Variants in BTF3 observed in about 807,000 individuals in gnomAD.
BTF3 encodes basic transcription factor 3, also known as transcription factor BTF3.
In BTF3, 12 loss-of-function variants were observed where a neutral mutation model predicts 23.9. The ratio of observed to expected loss-of-function variants is 0.50; its 90% CI spans 0.32 to 0.81. The LOEUF is 0.81. Among genes scored for constraint, BTF3 ranks in the 40% least tolerant of loss-of-function variants. The pLI, the probability that BTF3 is intolerant of heterozygous loss-of-function variation, is 0.03. For missense variants in BTF3, 215 were observed against 255.9 expected, an observed-to-expected ratio of 0.84 and a Z score of 1.09; for synonymous variants, 96 against 94.8, an observed-to-expected ratio of 1.01 and a Z score of -0.07.
rs1338166684 is a variant in BTF3, at chr5:73,502,160, A to G, written c.202-328A>G. 5.9e-5 allele frequency among the ~76,000 whole-genome samples: 6 copies of G among 101,330 alleles called. No individual in the cohort carries two copies. In the South Asian group the frequency reaches 1.4e-3, roughly 24 times the overall value. 66.5% of individuals were successfully genotyped at this position (101,330 alleles called of 152,430 possible). A position where few individuals can be genotyped will look rare whatever the true frequency, so the allele number is the denominator to read the frequency against. The stretch of plus-strand genomic sequence containing the variant: ...GACGACACAGTGAGACCCTGTCTCA[A>G]AAAAAAAAAAAAAAAAAAACAGAAG... On this transcript the variant is annotated intron_variant, in intron 2 of 5. Coordinates refer to ENST00000380591, the MANE Select transcript of BTF3 (RefSeq NM_001037637.2).
chr5:73,505,205 T>C lies in BTF3; in HGVS notation c.588T>C (p.Asn196=). The C allele has an allele frequency of 6.2e-7, 1 of 1,610,176 alleles. No individual in the cohort carries two copies. Among genetic ancestry groups the C allele is most frequent in the Admixed American group, 1.7e-5 (1 of 59,862 alleles). The change falls in exon 6 of 6, where the codon AAT becomes AAC. Residue 196 remains asparagine (N), a synonymous_variant. Coordinates refer to ENST00000380591, the MANE Select transcript of BTF3 (RefSeq NM_001037637.2). ...TCCTTTTCCTAGATCTTGTGGAGAA[T>C]TTTGATGAGGCTTCCAAGAATGAGG... The part of the protein sequence containing the change: ...DDDEVPDLVE[N]FDEASKNEAN
chr5:73,504,470 A>G (rs12656416), intron 5 of BTF3, 67 bp downstream of exon 5: 149,545 of 1,349,004 alleles, frequency 0.11, 18,650 homozygotes, highest in East Asian at 0.54. Context: ...TCTTTGTAGG[A>G]AAAACTACCC....
intron 1 of BTF3, 114 bp downstream of exon 1, chr5:73,498,913 C>T (rs916611357): frequency 7.1e-6 from 10 of 1,409,906 alleles, no homozygotes; most frequent in Admixed American, 5.7e-5. Flanking sequence ...GCCTTTCATC[C>T]GGGCCTGCCA....
intron 4 of BTF3, among the ~76,000 whole-genome samples, chr5:73,504,124 G>A (rs915935763): frequency 5.3e-5 from 8 of 152,196 alleles, no homozygotes; most frequent in African/African-American, 1.9e-4. Flanking sequence ...GATGGGTATG[G>A]AATTTTGTTT....
At chr5:73,503,817 C>G (rs778306829) in intron 4 of BTF3, among the ~76,000 whole-genome samples, 1 of 152,192 alleles carries the variant, frequency 6.6e-6, no homozygotes, top group Non-Finnish European at 1.5e-5. Flanking sequence ...CCACTGATGC[C>G]TGTATGGGCC....
At chr5:73,498,868 C>CG in intron 1 of BTF3, 69 bp downstream of exon 1, 1 of 1,487,964 alleles carries the variant, frequency 6.7e-7, no homozygotes, top group Non-Finnish European at 8.8e-7. Context: ...AGGCCAGGGC[C>CG]AGGGGTGGGG....
chr5:73,502,333 G>A (rs1405232248), intron 2 of BTF3, among the ~76,000 whole-genome samples, 155 bp from the exon 3 acceptor site: 3 of 151,838 alleles, frequency 2.0e-5, no homozygotes, highest in Non-Finnish European at 2.9e-5. Context: ...TTCTATCTTC[G>A]CCTTAGCCTG....
In BTF3 at chr5:73,498,608, C is replaced by A; in HGVS notation, c.-60C>A. 1 of 1,408,002 alleles carries A rather than the reference C, an allele frequency of 7.1e-7. No individual in the cohort carries two copies. Among genetic ancestry groups the A allele is most frequent in the Non-Finnish European group, 9.2e-7 (1 of 1,088,162 alleles). The allele number at this position is 1,408,002 out of a possible 1,614,324, so 87.2% of individuals were successfully genotyped here. On this transcript the variant is annotated 5_prime_UTR_variant, in exon 1 of 6. Coordinates refer to ENST00000380591, the MANE Select transcript of BTF3 (RefSeq NM_001037637.2). The stretch of plus-strand genomic sequence containing the variant: ...CGTGGTAGGAGGACGGGAGCGGGGG[C>A]GGGAAGTTCCCTGAAGGAGCGAGAC...
Position 73,499,160 on chromosome 5 carries a change from A to G in BTF3, c.159A>G (p.Glu53=), listed in dbSNP as rs1296676221. ...PQMKETIMNQ[E]KLAKLQAQVR... is the part of the protein sequence containing the mutation. ...TGAAAGAAACAATCATGAACCAGGA[A>G]AAACTCGCCAAACTGCAGGCACAAG... is the stretch of plus-strand genomic sequence containing the variant. The change falls in exon 2 of 6, where the codon GAA becomes GAG. Residue 53 remains glutamate (E), a synonymous_variant. Transcript: ENST00000380591. 2.5e-6 allele frequency: 4 copies of G among 1,612,868 alleles called. No individual in the cohort carries two copies. The highest frequency in any genetic ancestry group is 2.2e-5 in the East Asian group (1 of 44,878).
intron 4 of BTF3, among the ~76,000 whole-genome samples, chr5:73,503,673 A>G (rs976358242): frequency 5.9e-5 from 9 of 152,224 alleles, no homozygotes; most frequent in Non-Finnish European, 1.3e-4. Context: ...AGAGGCTTAT[A>G]TATGGCTCTT....
intron 1 of BTF3, 130 bp from the exon 2 acceptor site, chr5:73,499,004 G>A: frequency 8.0e-7 from 1 of 1,249,060 alleles, no homozygotes; most frequent in South Asian, 1.6e-5. Context: ...AGCTTTGCGG[G>A]GTGGATTTGG....
chr5:73,501,705 T>A (rs1318430368), intron 2 of BTF3, among the ~76,000 whole-genome samples: 1 of 151,828 alleles, frequency 6.6e-6, no homozygotes, highest in Admixed American at 6.6e-5. Flanking sequence ...CAGTCAGGAG[T>A]GGCATATTAA....
At chr5:73,502,702 C>T in intron 3 of BTF3, 101 bp downstream of exon 3, 1 of 874,094 alleles carries the variant, frequency 1.1e-6, no homozygotes, top group Non-Finnish European at 1.7e-6. Context: ...AACTTAGGGA[C>T]TTCAAAGTCC....
At chr5:73,499,475 T>A in intron 2 of BTF3, 1 of 500,904 alleles carries the variant, frequency 2.0e-6, no homozygotes, top group Non-Finnish European at 3.6e-6. Context: ...ATTTAATTAG[T>A]AAGGAAAATG....
Position 73,503,008 on chromosome 5 carries a change from C to A in BTF3, c.408C>A (p.Gly136=), listed in dbSNP as rs201362870. ...SLAANTFTIT[G]HAETKQLTEM... The stretch of plus-strand genomic sequence containing the variant: ...CAGCGAACACTTTCACCATTACAGG[C>A]CATGCTGAGACAAAGCAGCTGACAG... Residue 136 remains glycine, a synonymous_variant, in exon 4 of 6, where the codon GGC becomes GGA. Coordinates refer to ENST00000380591, the MANE Select transcript of BTF3 (RefSeq NM_001037637.2). 1.4e-4 allele frequency: 226 copies of A among 1,613,768 alleles called. No individual in the cohort carries two copies. Among genetic ancestry groups the A allele is most frequent in the Non-Finnish European group, 1.8e-4 (215 of 1,179,902 alleles).
In BTF3 at chr5:73,498,543, T is replaced by C; in HGVS notation, c.-125T>C. ...AACCCTAGTCCCCCGCGCGGCCCCTTATTCGCTCCGACAAGGTACAAAAAG... is the reference window on the plus strand; with the variant it reads ...AACCCTAGTCCCCCGCGCGGCCCCTCATTCGCTCCGACAAGGTACAAAAAG... On this transcript the variant is annotated 5_prime_UTR_variant, in exon 1 of 6. Coordinates refer to ENST00000380591, the MANE Select transcript of BTF3 (RefSeq NM_001037637.2). 2 of 1,360,776 alleles carry C rather than the reference T, an allele frequency of 1.5e-6. No individual in the cohort carries two copies. The highest frequency in any genetic ancestry group is 1.9e-6 in the Non-Finnish European group (2 of 1,057,234). 84.3% of individuals were successfully genotyped at this position (1,360,776 alleles called of 1,614,324 possible).
intron 2 of BTF3, among the ~76,000 whole-genome samples, chr5:73,500,295 A>AT (rs1249965534): frequency 1.3e-5 from 2 of 152,118 alleles, no homozygotes; most frequent in African/African-American, 4.8e-5. Context: ...CAAAACTCAA[A>AT]TTTTTTGTGT....
intron 4 of BTF3, 132 bp from the exon 5 acceptor site, chr5:73,504,215 A>G: frequency 1.6e-6 from 1 of 622,164 alleles, no homozygotes; most frequent in Non-Finnish European, 2.7e-6. Context: ...AAAATCCCAA[A>G]TGTCCCTTAT....
In BTF3 at chr5:73,498,770, C is replaced by T; in HGVS notation, c.103C>T (p.Arg35Cys). The T allele has an allele frequency of 3.3e-6, 5 of 1,501,960 alleles. No homozygotes were observed. The highest frequency in any genetic ancestry group is 1.2e-5 in the South Asian group (1 of 80,434). 93.0% of individuals were successfully genotyped at this position (1,501,960 alleles called of 1,614,324 possible). A position where few individuals can be genotyped will look rare whatever the true frequency, so the allele number is the denominator to read the frequency against. The change falls in exon 1 of 6, where the codon CGC becomes TGC. Residue 35 changes from arginine (R) to cysteine (C), a missense_variant. By Grantham distance (180) the Arg-to-Cys change is radical (BLOSUM62 -3). Around this residue, in one of 2 missense-constraint regions of BTF3, gnomAD observed 116 missense variants for 84.7 expected, o/e 1.37. Coordinates refer to ENST00000380591, the MANE Select transcript of BTF3 (RefSeq NM_001037637.2). ...GGCGACGCTGTCTCAACCTCCACCT[C>T]GCGGCGGAACCCGAGGACAGGAGCC... Reference protein sequence around the residue: ...GEATLSQPPPRGGTRGQEPQM... With the variant: ...GEATLSQPPPCGGTRGQEPQM...
Sources: gnomAD v4.1 joint callset for allele counts (sites outside exome capture counted in the v4.1 genomes callset) on GRCh38, gnomAD v4.1.1 for gene constraint, gnomAD v4.1.1 regional missense constraint, MANE v1.5 for transcripts, NCBI Gene and HGNC (gene_info 2026-07-23, HGNC 2026-07-21) for gene names.